ALDH1A2: variants seen among roughly 807,000 people sequenced by gnomAD.
ALDH1A2 encodes the protein retinal dehydrogenase 2.
A neutral mutation model predicts 60.3 loss-of-function variants in ALDH1A2; 27 were observed. The ratio of observed to expected loss-of-function variants is 0.45; its 90% CI spans 0.33 to 0.62. The LOEUF (loss-of-function observed/expected upper bound fraction) is 0.62, where lower values mean the gene tolerates loss of function less well. Among genes scored for constraint, ALDH1A2 ranks in the 20% least tolerant of loss-of-function variants. The probability of loss-of-function intolerance (pLI) is 0.02; values close to 1 mark genes in which losing one functional copy is unlikely to be tolerated. For missense variants in ALDH1A2, 581 were observed against 643.8 expected (o/e 0.90, Z 1.06); for synonymous variants, 289 against 232.4 (o/e 1.24, Z -2.21).
intron 12 of ALDH1A2, among the ~76,000 whole-genome samples, chr15:57,957,141 G>C (rs1893554535): frequency 6.6e-6 from 1 of 152,192 alleles, no homozygotes; most frequent in Non-Finnish European, 1.5e-5. Flanking sequence ...GCATGGAGGA[G>C]ATAAAGAGCA....
chr15:57,960,676 T>C, intron 12 of ALDH1A2, 94 bp downstream of exon 12: 1 of 1,042,844 alleles, frequency 9.6e-7, no homozygotes, highest in Non-Finnish European at 1.5e-6. Context: ...AATGTATGGA[T>C]GAGTGTAAGA....
intron 1 of ALDH1A2, among the ~76,000 whole-genome samples, chr15:58,047,160 G>T (rs1355122861): frequency 6.6e-6 from 1 of 152,068 alleles, no homozygotes; most frequent in Non-Finnish European, 1.5e-5. Flanking sequence ...ATTGATAGGA[G>T]TTAGGTGTAA....
At chr15:58,052,704 G>A (rs578079235) in intron 1 of ALDH1A2, among the ~76,000 whole-genome samples, 1 of 152,232 alleles carries the variant, frequency 6.6e-6, no homozygotes, top group South Asian at 2.1e-4. Context: ...GCATATCCAA[G>A]AAACTGTTAA....
At position 57,955,168 on chromosome 15, in the gene ALDH1A2, G is replaced by C. The variant is rs774257162; in HGVS notation, c.*29C>G. 1 of 1,606,020 alleles carries C rather than the reference G, an allele frequency of 6.2e-7. No individual in the cohort carries two copies. The highest frequency in any genetic ancestry group is 2.2e-5 in the East Asian group (1 of 44,828). On this transcript the variant is annotated 3_prime_UTR_variant, in exon 13 of 13. Coordinates refer to ENST00000249750, the MANE Select transcript of ALDH1A2 (RefSeq NM_003888.4). ...AAAGCAGAGAGGGACAGACGTGCAG[G>C]CTGGGCTTCATCCTCCTTCTTGGCC...
At chr15:58,053,359 C>G (rs745587925) in intron 1 of ALDH1A2, among the ~76,000 whole-genome samples, 10 of 151,948 alleles carry the variant, frequency 6.6e-5, no homozygotes, top group Non-Finnish European at 1.2e-4. Context: ...ATAAAGTGTT[C>G]CAAAAAAGCA....
intron 7 of ALDH1A2, chr15:57,980,423 A>G: frequency 2.8e-6 from 1 of 351,654 alleles, no homozygotes; most frequent in Non-Finnish European, 5.7e-6. Context: ...GGAGTGGTTG[A>G]TCTTGGGGAA....
intron 1 of ALDH1A2, among the ~76,000 whole-genome samples, chr15:58,048,930 C>G (rs11854019): frequency 0.027 from 3,950 of 146,752 alleles, 67 homozygotes; most frequent in Non-Finnish European, 0.036. Context: ...ATTCCCCACC[C>G]CACCCCACAA....
intron 4 of ALDH1A2, among the ~76,000 whole-genome samples, chr15:58,005,248 C>T (rs1382185088): frequency 6.6e-6 from 1 of 151,982 alleles, no homozygotes; most frequent in Non-Finnish European, 1.5e-5. Flanking sequence ...CCACCCTCTC[C>T]AGGAAGCCTT....
At chr15:57,996,844 C>G (rs150144544) in intron 4 of ALDH1A2, among the ~76,000 whole-genome samples, 36 of 152,150 alleles carry the variant, frequency 2.4e-4, no homozygotes, top group Admixed American at 1.4e-3. Flanking sequence ...TTCAGCTAAT[C>G]TGATAGCTGG....
At chr15:57,969,283 T>C (rs1893988117) in intron 7 of ALDH1A2, among the ~76,000 whole-genome samples, 1 of 152,216 alleles carries the variant, frequency 6.6e-6, no homozygotes, top group South Asian at 2.1e-4. Context: ...GTAAACCTAG[T>C]AGATGTTCAA....
intron 1 of ALDH1A2, among the ~76,000 whole-genome samples, chr15:58,032,249 G>T (rs1158804047): frequency 1.2e-4 from 19 of 152,050 alleles, no homozygotes; most frequent in African/African-American, 3.9e-4. Context: ...GCAAACTATT[G>T]CAAGGACGAA....
intron 9 of ALDH1A2, among the ~76,000 whole-genome samples, chr15:57,963,107 A>G (rs4646627): frequency 0.36 from 54,761 of 151,968 alleles, 10,710 homozygotes; most frequent in Non-Finnish European, 0.46. Flanking sequence ...ACAAGCTACA[A>G]GGGATCTGTC....
At chr15:57,999,568 G>A (rs1171297946) in intron 4 of ALDH1A2, among the ~76,000 whole-genome samples, 1 of 151,806 alleles carries the variant, frequency 6.6e-6, no homozygotes, top group Non-Finnish European at 1.5e-5. Flanking sequence ...GGAAAAATAG[G>A]AACACTGTTC....
At chr15:57,981,825 T>C (rs1354999189) in intron 7 of ALDH1A2, among the ~76,000 whole-genome samples, 1 of 152,246 alleles carries the variant, frequency 6.6e-6, no homozygotes, top group Non-Finnish European at 1.5e-5. Context: ...ACTCTAGATA[T>C]ACTAGCTTTT....
At chr15:58,029,111 C>T (rs1177763206) in intron 1 of ALDH1A2, among the ~76,000 whole-genome samples, 4 of 152,152 alleles carry the variant, frequency 2.6e-5, no homozygotes, top group East Asian at 3.8e-4. Flanking sequence ...AGCACCACAT[C>T]GCACTTACTC....
Position 58,013,962 on chromosome 15 carries a change from C to G in ALDH1A2, c.259G>C (p.Ala87Pro), listed in dbSNP as rs867011265. The G allele has an allele frequency of 6.2e-7, 1 of 1,613,974 alleles. No individual in the cohort carries two copies. The highest frequency in any genetic ancestry group is 1.3e-5 in the African/African-American group (1 of 74,896). ...IDKAVQAARLAFSLGSVWRRM... is the reference protein window; with the variant it reads ...IDKAVQAARLPFSLGSVWRRM... The stretch of plus-strand genomic sequence containing the variant: ...CTCCACACTGAACCAAGAGAGAAAG[C>G]CAGGCGGGCTGCCTGCACTGCTTTG... Residue 87 changes from alanine to proline, a missense_variant, in exon 3 of 13, where the codon GCT (alanine) becomes CCT (proline). Physicochemically the swap from Ala to Pro is conservative, Grantham distance 27 (BLOSUM62 -1). This residue lies in a region of ALDH1A2 where 206 missense variants were observed against 174.1 expected (regional missense o/e 1.18). Transcript: ENST00000249750.
At chr15:58,000,033 A>G (rs1895208583) in intron 4 of ALDH1A2, among the ~76,000 whole-genome samples, 1 of 151,936 alleles carries the variant, frequency 6.6e-6, no homozygotes, top group African/African-American at 2.4e-5. Flanking sequence ...GAAGGGGAAC[A>G]ACAGACATTG....
chr15:58,022,751 T>A (rs1476279440), intron 1 of ALDH1A2, among the ~76,000 whole-genome samples: 1 of 152,156 alleles, frequency 6.6e-6, no homozygotes, highest in African/African-American at 2.4e-5. Context: ...ATCACTGATG[T>A]TGTTTACTGC....
At position 57,953,434 on chromosome 15, in the gene ALDH1A2, A is replaced by G. The variant is rs1369078379; in HGVS notation, c.*1763T>C. 1 of 152,788 alleles carries G rather than the reference A, an allele frequency of 6.5e-6. No individual in the cohort carries two copies. Among genetic ancestry groups the G allele is most frequent in the African/African-American group, 2.4e-5 (1 of 41,452 alleles). The allele number at this position is 152,788 out of a possible 1,614,324, so 9.5% of individuals were successfully genotyped here. ...AGCCAAACAATCCCAAGGAGTACACAATATAAATGCTTTATTGCTAGCACA... is the reference window on the plus strand; with the variant it reads ...AGCCAAACAATCCCAAGGAGTACACGATATAAATGCTTTATTGCTAGCACA... On this transcript the variant is annotated 3_prime_UTR_variant, in exon 13 of 13. Coordinates refer to ENST00000249750, the MANE Select transcript of ALDH1A2 (RefSeq NM_003888.4).
Sources: gnomAD v4.1 joint callset for allele counts (sites outside exome capture counted in the v4.1 genomes callset) on GRCh38, gnomAD v4.1.1 for gene constraint, gnomAD v4.1.1 regional missense constraint, MANE v1.5 for transcripts, NCBI Gene and HGNC (gene_info 2026-07-23, HGNC 2026-07-21) for gene names.